Variants in GADL1 observed in about 807,000 individuals in gnomAD.
GADL1 encodes acidic amino acid decarboxylase GADL1.
In GADL1, 71 loss-of-function variants were observed where a neutral mutation model predicts 69.5. The observed-to-expected ratio is 1.02, with a 90% CI of 0.84 to 1.25. The LOEUF is 1.25. Ranked by LOEUF, GADL1 falls within the 50% of genes most tolerant of loss-of-function variation. GADL1 has a pLI of 0.00. For missense variants in GADL1, 737 were observed against 631.8 expected, an observed-to-expected ratio of 1.17 and a Z score of -1.79; for synonymous variants, 254 against 214.4, an observed-to-expected ratio of 1.18 and a Z score of -1.62.
At chr3:30,771,009 T>C (rs1372159384) in intron 14 of GADL1, among the ~76,000 whole-genome samples, 1 of 152,198 alleles carries the variant, frequency 6.6e-6, no homozygotes, top group African/African-American at 2.4e-5. Context: ...AAAGATGCTA[T>C]TAAATACAAA....
At chr3:30,800,208 A>C (rs1697131792) in intron 12 of GADL1, 1 of 152,996 alleles carries the variant, frequency 6.5e-6, no homozygotes, top group African/African-American at 2.4e-5. Flanking sequence ...AATTGGACTT[A>C]CAGTTCCACA....
chr3:30,845,056 A>G (rs1698032431), intron 6 of GADL1, among the ~76,000 whole-genome samples: 1 of 152,210 alleles, frequency 6.6e-6, no homozygotes, highest in Non-Finnish European at 1.5e-5. Flanking sequence ...ACAATGAGTT[A>G]TAAGTGCTGA....
At chr3:30,784,923 C>T (rs1222956691) in intron 13 of GADL1, among the ~76,000 whole-genome samples, 1 of 152,156 alleles carries the variant, frequency 6.6e-6, no homozygotes, top group African/African-American at 2.4e-5. Flanking sequence ...TTTTTGGCTG[C>T]TCAAAGACAG....
chr3:30,886,580 T>C (rs181402259), intron 1 of GADL1, among the ~76,000 whole-genome samples: 1 of 152,154 alleles, frequency 6.6e-6, no homozygotes, highest in African/African-American at 2.4e-5. Context: ...AGGAGGGGAC[T>C]CTGACCTAAC....
At chr3:30,868,238 A>C (rs1698432001) in intron 1 of GADL1, among the ~76,000 whole-genome samples, 2 of 152,042 alleles carry the variant, frequency 1.3e-5, no homozygotes. Flanking sequence ...TGTCAGTTAA[A>C]ACTGCTCTCA....
intron 14 of GADL1, among the ~76,000 whole-genome samples, chr3:30,770,483 A>G (rs1696391948): frequency 6.6e-6 from 1 of 152,244 alleles, no homozygotes; most frequent in African/African-American, 2.4e-5. Context: ...TGTGTGCAGA[A>G]CAATAGATGT....
chr3:30,796,381 G>A (rs1271384216), intron 12 of GADL1, among the ~76,000 whole-genome samples: 1 of 151,982 alleles, frequency 6.6e-6, no homozygotes, highest in Non-Finnish European at 1.5e-5. Context: ...TCTAACAAAG[G>A]TACCTTCATC....
chr3:30,784,092 T>C (rs1696735635), intron 13 of GADL1, among the ~76,000 whole-genome samples: 2 of 152,178 alleles, frequency 1.3e-5, no homozygotes, highest in African/African-American at 2.4e-5. Flanking sequence ...ATAGGACTGC[T>C]GTTTCTCCCA....
intron 12 of GADL1, among the ~76,000 whole-genome samples, chr3:30,793,233 A>G (rs1246566994): frequency 2.0e-5 from 3 of 152,192 alleles, no homozygotes; most frequent in African/African-American, 7.2e-5. Flanking sequence ...AAAGTACCCT[A>G]TCCTCTTCTT....
At chr3:30,749,498 A>AT (rs1166792180) in intron 14 of GADL1, among the ~76,000 whole-genome samples, 3 of 152,292 alleles carry the variant, frequency 2.0e-5, no homozygotes, top group Admixed American at 6.5e-5. Context: ...ACTCATGCCT[A>AT]TTTTTAGCAA....
chr3:30,754,817 T>C (rs1435908385), intron 14 of GADL1, among the ~76,000 whole-genome samples: 3 of 152,124 alleles, frequency 2.0e-5, no homozygotes, highest in African/African-American at 7.2e-5. Flanking sequence ...TAAAAATGAA[T>C]TTTAACTCTG....
In GADL1 at chr3:30,833,840, G is replaced by A; in HGVS notation, c.1050+13C>T. On this transcript the variant is annotated intron_variant, in intron 11 of 14. Transcript: ENST00000282538. ...CCCCTTGAAGCCCAAAGGACCACAA[G>A]AGGAAAACTTACAGATTTGTCTTTC... 6.2e-7 allele frequency: 1 copy of A among 1,601,096 alleles called. No homozygotes were observed. The highest frequency in any genetic ancestry group is 2.2e-5 in the East Asian group (1 of 44,710).
intron 14 of GADL1, among the ~76,000 whole-genome samples, chr3:30,742,415 T>A (rs955194756): frequency 1.3e-5 from 2 of 152,064 alleles, no homozygotes; most frequent in Non-Finnish European, 2.9e-5. Flanking sequence ...AGCTACCTTC[T>A]GATGTAATTT....
chr3:30,839,931 A>C (rs968439704), intron 8 of GADL1, among the ~76,000 whole-genome samples: 9 of 152,176 alleles, frequency 5.9e-5, no homozygotes, highest in African/African-American at 1.9e-4. Context: ...ATAGATGAAG[A>C]GTACATGAGA....
intron 14 of GADL1, among the ~76,000 whole-genome samples, chr3:30,758,609 TAA>T (rs1291265918): frequency 6.6e-6 from 1 of 152,186 alleles, no homozygotes; most frequent in Admixed American, 6.5e-5. Flanking sequence ...GGTAAATGCT[TAA>T]ATATAAATGT....
At chr3:30,777,533 A>C (rs1696564651) in intron 14 of GADL1, among the ~76,000 whole-genome samples, 2 of 152,208 alleles carry the variant, frequency 1.3e-5, no homozygotes, top group African/African-American at 4.8e-5. Flanking sequence ...TAGTGCTTGG[A>C]AATCTGGATT....
At chr3:30,806,344 T>C (rs1697255889) in intron 11 of GADL1, among the ~76,000 whole-genome samples, 1 of 152,156 alleles carries the variant, frequency 6.6e-6, no homozygotes, top group Admixed American at 6.5e-5. Flanking sequence ...TACAAGCCCA[T>C]GAAGGTGCTA....
intron 14 of GADL1, among the ~76,000 whole-genome samples, chr3:30,744,585 A>G (rs775310708): frequency 1.3e-5 from 2 of 152,076 alleles, no homozygotes; most frequent in East Asian, 3.9e-4. Flanking sequence ...ATGGTGGCTC[A>G]TGCCTGTAGT....
chr3:30,845,603 A>C (rs1467062313), intron 6 of GADL1, among the ~76,000 whole-genome samples: 2 of 152,144 alleles, frequency 1.3e-5, no homozygotes, highest in African/African-American at 4.8e-5. Flanking sequence ...AACCGTTCTA[A>C]ATAATTAATT....
Sources: allele counts gnomAD v4.1 joint callset (sites outside exome capture counted in the v4.1 genomes callset), GRCh38; gene constraint gnomAD v4.1.1; transcripts MANE v1.5; gene names NCBI Gene and HGNC (gene_info 2026-07-23, HGNC 2026-07-21).